The following DMXL2 variants were observed in gnomAD, a reference collection of about 807,000 sequenced individuals.
DMXL2 encodes the protein dmX-like protein 2.
DMXL2 carries 103 observed loss-of-function variants against 331.1 expected under a neutral mutation model. The ratio of observed to expected loss-of-function variants is 0.31; its 90% CI spans 0.27 to 0.37. DMXL2 has a LOEUF of 0.37. Among genes scored for constraint, DMXL2 ranks in the 10% least tolerant of loss-of-function variants. The pLI, the probability that DMXL2 is intolerant of heterozygous loss-of-function variation, is 1.00. For synonymous variants in DMXL2, 1,281 were observed against 1,252.1 expected (o/e 1.02, Z -0.49); for missense variants, 3,171 against 3,642.9 (o/e 0.87, Z 3.33).
rs768008268 is a variant in DMXL2 at position 51,499,211 on chromosome 15, T to C, written c.4013A>G (p.His1338Arg). The C allele has an allele frequency of 1.9e-6, 3 of 1,613,960 alleles. No homozygotes were observed. The East Asian group carries it at 6.7e-5, about 36-fold the overall frequency. ...TTGTGGAAGAGTAGGGGAAAGTACA[T>C]GTGCAGCCTCAAATAAGCCACCATC... ...IQDGGLFEAA[H>R]VLSPTLPQYH... The change falls in exon 18 of 44, where the codon CAT becomes CGT. Residue 1338 changes from histidine (H) to arginine (R), a missense_variant. Physicochemically the swap from His to Arg is conservative, Grantham distance 29 (BLOSUM62 0). This residue lies in a region of DMXL2 where 1,674 missense variants were observed against 1,780.2 expected (regional missense o/e 0.94). Transcript: ENST00000560891.
intron 19 of DMXL2, among the ~76,000 whole-genome samples, chr15:51,494,694 AT>A (rs2043049719): frequency 6.6e-6 from 1 of 152,088 alleles, no homozygotes; most frequent in Non-Finnish European, 1.5e-5. Context: ...AGTTTACATA[AT>A]TTTTCAAAGA....
rs147790317 is a variant in DMXL2 at position 51,546,042 on chromosome 15, G to A, written c.747-276C>T. Among the ~76,000 whole-genome samples the A allele has an allele frequency of 5.9e-3, 895 of 152,100 alleles. 8 individuals are homozygous for A. The highest frequency in any genetic ancestry group is 0.021 in the African/African-American group (859 of 41,496). ...CTAAACAAAACATACAAACTAAACAGCAAAAGAAAACCTAATCATTGCAAA... is the reference window on the plus strand; with the variant it reads ...CTAAACAAAACATACAAACTAAACAACAAAAGAAAACCTAATCATTGCAAA... On this transcript the variant is annotated intron_variant, in intron 7 of 43. Transcript: ENST00000560891.
In DMXL2 at chr15:51,537,774, A is replaced by G. The variant is rs972403296; in HGVS notation, c.1346-15T>C. 1.9e-6 allele frequency: 3 copies of G among 1,604,594 alleles called. No homozygotes were observed. The highest frequency in any genetic ancestry group is 1.7e-5 in the Admixed American group (1 of 59,220). ...CAGGGATAAATCTGAACCAGAAAAT[A>G]TATTTATCAATACAAGCATTAAATA... is the stretch of plus-strand genomic sequence containing the variant. On this transcript the variant is annotated splice_polypyrimidine_tract_variant and intron_variant, in intron 10 of 43. Coordinates refer to ENST00000560891, the MANE Select transcript of DMXL2 (RefSeq NM_001378457.1).
chr15:51,455,153 T>A lies in DMXL2; in HGVS notation c.8602A>T (p.Met2868Leu). The A allele has an allele frequency of 6.2e-7, 1 of 1,613,046 alleles. No individual in the cohort carries two copies. The change falls in exon 40 of 44, where the codon ATG (methionine) becomes TTG (leucine). Residue 2868 changes from methionine to leucine, a missense_variant and splice_region_variant. By Grantham distance (15) the Met-to-Leu change is conservative. This residue lies in a region of DMXL2 where 766 missense variants were observed against 940.5 expected (regional missense o/e 0.81). Transcript: ENST00000560891. ...TGGGAACATTTAGTGATACTTACCA[T>A]ATAAGGTTTAGGATTTGATGCAGTT... ...NQTASNPKPY[M>L]SWQCHSKATS... is the part of the protein sequence containing the mutation.
chr15:51,481,389 G>C lies in DMXL2; in HGVS notation c.5717C>G (p.Ser1906Cys), dbSNP rs773464679. The C allele has an allele frequency of 1.9e-6, 3 of 1,613,556 alleles. No individual in the cohort carries two copies. The change falls in exon 24 of 44, where the codon TCC becomes TGC. Residue 1906 changes from serine to cysteine, a missense_variant. This residue lies in a region of DMXL2 where 244 missense variants were observed against 251.4 expected (regional missense o/e 0.97). Transcript: ENST00000560891. ...TGTTTTGGTTACTTTTGGAATTTTG[G>C]AGAGTACCTCCAAGGCTAAAACAGG... is the stretch of plus-strand genomic sequence containing the variant. ...GCPVLALEVL[S>C]KIPKVTKTSA...
At chr15:51,569,355 TC>T (rs2050504700) in intron 2 of DMXL2, among the ~76,000 whole-genome samples, 1 of 151,848 alleles carries the variant, frequency 6.6e-6, no homozygotes, top group Non-Finnish European at 1.5e-5. Flanking sequence ...CCACCACAGC[TC>T]CCCGAGACAG....
At chr15:51,471,500 G>A in intron 28 of DMXL2, 99 bp from the exon 29 acceptor site, 1 of 1,190,208 alleles carries the variant, frequency 8.4e-7, no homozygotes, top group Admixed American at 2.5e-5. Flanking sequence ...CCATGTTTTG[G>A]TCTAAACTAA....
intron 5 of DMXL2, 112 bp downstream of exon 5, chr15:51,564,013 G>A: frequency 2.6e-6 from 3 of 1,145,744 alleles, no homozygotes; most frequent in Non-Finnish European, 3.7e-6. Flanking sequence ...TACTTTCTAG[G>A]CATCTAAATG....
intron 1 of DMXL2, among the ~76,000 whole-genome samples, chr15:51,609,419 T>G (rs990748221): frequency 2.0e-5 from 3 of 152,208 alleles, no homozygotes; most frequent in Admixed American, 1.3e-4. Flanking sequence ...ACGGACCCGG[T>G]CTACAATGGA....
At chr15:51,559,838 T>C (rs2049842498) in intron 6 of DMXL2, among the ~76,000 whole-genome samples, 1 of 152,248 alleles carries the variant, frequency 6.6e-6, no homozygotes, top group Admixed American at 6.5e-5. Context: ...AACTATTGTA[T>C]ACTATGAGAG....
Position 51,498,839 on chromosome 15 carries a change from C to G in DMXL2, c.4385G>C (p.Ser1462Thr). Residue 1462 changes from serine to threonine, a missense_variant, in exon 18 of 44, where the codon AGT (serine) becomes ACT (threonine). Physicochemically the swap from Ser to Thr is moderately conservative, Grantham distance 58. Around this residue, in one of 7 missense-constraint regions of DMXL2, gnomAD observed 1,674 missense variants for 1,780.2 expected, o/e 0.94. Transcript: ENST00000560891. ...IPQSYEDQTV[S>T]QPEDQYSELF... ...CTCTGAATACTGATCCTCTGGTTGA[C>G]TTACTGTCTGATCTTCATAGCTCTG... The G allele has an allele frequency of 6.2e-7, 1 of 1,614,190 alleles. No individual in the cohort carries two copies. The highest frequency in any genetic ancestry group is 1.7e-5 in the Admixed American group (1 of 60,032).
intron 14 of DMXL2, among the ~76,000 whole-genome samples, chr15:51,515,930 T>C (rs943479057): frequency 6.6e-6 from 1 of 152,058 alleles, no homozygotes; most frequent in Admixed American, 6.6e-5. Flanking sequence ...TGAAGAAAGG[T>C]GGGGCACTGG....
intron 20 of DMXL2, among the ~76,000 whole-genome samples, 194 bp downstream of exon 20, chr15:51,491,384 T>A (rs1595990471): frequency 2.0e-5 from 3 of 151,786 alleles, no homozygotes; most frequent in Admixed American, 2.0e-4. Context: ...GAGGTTACAG[T>A]GAGCCAAGAT....
At chr15:51,524,970 C>A (rs1010198760) in intron 13 of DMXL2, among the ~76,000 whole-genome samples, 1 of 151,610 alleles carries the variant, frequency 6.6e-6, no homozygotes, top group Non-Finnish European at 1.5e-5. Context: ...GTACAACTCA[C>A]GGCTCCAAAG....
At chr15:51,495,602 A>G (rs918030437) in intron 18 of DMXL2, among the ~76,000 whole-genome samples, 1 of 152,174 alleles carries the variant, frequency 6.6e-6, no homozygotes, top group Admixed American at 6.6e-5. Flanking sequence ...ACTATCAAAG[A>G]TTTAAAATTT....
At chr15:51,491,034 A>G (rs2042757739) in intron 20 of DMXL2, among the ~76,000 whole-genome samples, 1 of 152,222 alleles carries the variant, frequency 6.6e-6, no homozygotes, top group South Asian at 2.1e-4. Context: ...ATAACAGAAA[A>G]TATTATTATT....
At chr15:51,608,930 A>C (rs2053774932) in intron 1 of DMXL2, among the ~76,000 whole-genome samples, 1 of 152,340 alleles carries the variant, frequency 6.6e-6, no homozygotes, top group Admixed American at 6.5e-5. Context: ...GGTAAATCTA[A>C]GTAAGCATTG....
In DMXL2 at chr15:51,499,904, A is replaced by G; in HGVS notation, c.3320T>C (p.Phe1107Ser). 6.2e-7 allele frequency: 1 copy of G among 1,614,158 alleles called. No homozygotes were observed. Among genetic ancestry groups the G allele is most frequent in the Non-Finnish European group, 8.5e-7 (1 of 1,180,016 alleles). ...TGATCCTCCTGTAGATTCACATTCA[A>G]ATATACAAACATGCATGGAAAATTC... is the stretch of plus-strand genomic sequence containing the variant. ...SKEFSMHVCIFECESTGGSEW... is the reference protein window; with the variant it reads ...SKEFSMHVCISECESTGGSEW... Residue 1107 changes from phenylalanine to serine, a missense_variant, in exon 18 of 44, where the codon TTT (phenylalanine) becomes TCT (serine). Around this residue, in one of 7 missense-constraint regions of DMXL2, gnomAD observed 1,674 missense variants for 1,780.2 expected, o/e 0.94. Transcript: ENST00000560891.
intron 15 of DMXL2, 92 bp from the exon 16 acceptor site, chr15:51,507,345 C>G (rs2046465931): frequency 8.0e-7 from 1 of 1,243,542 alleles, no homozygotes; most frequent in African/African-American, 1.5e-5. Context: ...TCTTGATATG[C>G]ATGGAAGTTG....
Sources: gnomAD v4.1 joint callset for allele counts (sites outside exome capture counted in the v4.1 genomes callset) on GRCh38, gnomAD v4.1.1 for gene constraint, gnomAD v4.1.1 regional missense constraint, MANE v1.5 for transcripts, NCBI Gene and HGNC (gene_info 2026-07-23, HGNC 2026-07-21) for gene names.